GATA4: variants seen among roughly 807,000 people sequenced by gnomAD.
GATA4 encodes GATA binding protein 4.
Under a neutral mutation model 37.9 loss-of-function variants are expected in GATA4, and 7 were observed. The ratio of observed to expected loss-of-function variants is 0.18; its 90% CI spans 0.11 to 0.35. The LOEUF (loss-of-function observed/expected upper bound fraction) is 0.35. Among genes scored for constraint, GATA4 ranks in the 10% least tolerant of loss-of-function variants. The pLI is 1.00. For missense variants in GATA4, 647 were observed against 653.0 expected (o/e 0.99, Z 0.10); for synonymous variants, 372 against 292.6 (o/e 1.27, Z -2.77).
intron 2 of GATA4, among the ~76,000 whole-genome samples, chr8:11,739,753 C>CTGTCGTGTGCGGAGCTGT (rs1801636041): frequency 1.3e-5 from 1 of 78,150 alleles, no homozygotes; most frequent in African/African-American, 5.7e-5. Flanking sequence ...GTGTGCGGAG[C>CTGTCGTGTGCGGAGCTGT]TTCTGTCGTG....
chr8:11,740,172 C>G (rs114949387), intron 2 of GATA4, among the ~76,000 whole-genome samples: 113 of 152,300 alleles, frequency 7.4e-4, no homozygotes, highest in African/African-American at 2.6e-3. Flanking sequence ...GTCCTGGCCT[C>G]TTTCCTGGCA....
At chr8:11,680,525 C>T (rs897765960) in intron 1 of GATA4, 2 of 985,352 alleles carry the variant, frequency 2.0e-6, no homozygotes, top group South Asian at 4.7e-5. Flanking sequence ...TCACCTCGGA[C>T]GGGTGTCGCG....
In GATA4 at chr8:11,709,714, T is replaced by C. The variant is rs1218537472; in HGVS notation, c.616+786T>C. ...CCTCCTCTTCTCGCGTGGGCCAGGG[T>C]TGGAAATAACCGTTGTGGTAGGTTC... On this transcript the variant is annotated intron_variant, in intron 2 of 6. Coordinates refer to ENST00000532059, the MANE Select transcript of GATA4 (RefSeq NM_001308093.3). The surrounding 1 kb of genome is among the most constrained non-coding windows in gnomAD (Gnocchi z 4.3). Among the ~76,000 whole-genome samples, 1 of 152,070 alleles carries C rather than the reference T, an allele frequency of 6.6e-6. No homozygotes were observed. The highest frequency in any genetic ancestry group is 1.5e-5 in the Non-Finnish European group (1 of 67,990).
intron 2 of GATA4, among the ~76,000 whole-genome samples, chr8:11,746,239 G>GA (rs549884230): frequency 6.0e-5 from 9 of 150,814 alleles, no homozygotes; most frequent in South Asian, 2.1e-4. Context: ...AAAAAAAAAG[G>GA]AAAAAAAAAG....
intron 4 of GATA4, among the ~76,000 whole-genome samples, chr8:11,750,965 A>C (rs998504875): frequency 6.6e-6 from 1 of 151,924 alleles, no homozygotes; most frequent in African/African-American, 2.4e-5. Flanking sequence ...TAAAAATATT[A>C]GATAATAAAA....
intron 1 of GATA4, among the ~76,000 whole-genome samples, chr8:11,686,979 C>A (rs1241778424): frequency 6.7e-6 from 1 of 149,700 alleles, no homozygotes; most frequent in Non-Finnish European, 1.5e-5. Context: ...GCCTGGGTGA[C>A]AGAGTGAGAA....
intron 4 of GATA4, among the ~76,000 whole-genome samples, 186 bp from the exon 5 acceptor site, chr8:11,754,860 G>GT (rs1410173271): frequency 6.6e-6 from 1 of 152,206 alleles, no homozygotes; most frequent in Non-Finnish European, 1.5e-5. Flanking sequence ...TGCTCGATAA[G>GT]TTTTTTAAAA....
At position 11,717,789 on chromosome 8, in the gene GATA4, G is replaced by A. The variant is rs141403465; in HGVS notation, c.616+8861G>A. On this transcript the variant is annotated intron_variant, in intron 2 of 6. Transcript: ENST00000532059. ...GCAATGTCGTCCTACGGAATCTTCC[G>A]TATCATTCCTCAACTGTAAGCTCTG... is the stretch of plus-strand genomic sequence containing the variant. Among the ~76,000 whole-genome samples, 10 of 152,216 alleles carry A rather than the reference G, an allele frequency of 6.6e-5. No homozygotes were observed. In the South Asian group the frequency reaches 1.5e-3, roughly 22 times the overall value.
chr8:11,750,474 A>C (rs1802248100), intron 4 of GATA4, among the ~76,000 whole-genome samples: 1 of 152,234 alleles, frequency 6.6e-6, no homozygotes, highest in African/African-American at 2.4e-5. Context: ...TGTGTAACAA[A>C]GGTGACGTTT....
chr8:11,732,049 T>C (rs1203935571), intron 2 of GATA4, among the ~76,000 whole-genome samples: 1 of 152,216 alleles, frequency 6.6e-6, no homozygotes, highest in African/African-American at 2.4e-5. Flanking sequence ...TTTTTAAATG[T>C]TGTACTACAA....
Position 11,708,113 on chromosome 8 carries a change from G to C in GATA4, c.-200G>C, listed in dbSNP as rs939678955. 1 of 682,480 alleles carries C rather than the reference G, an allele frequency of 1.5e-6. No individual in the cohort carries two copies. The highest frequency in any genetic ancestry group is 1.8e-5 in the African/African-American group (1 of 55,330). 42.3% of individuals were successfully genotyped at this position (682,480 alleles called of 1,614,324 possible). On this transcript the variant is annotated 5_prime_UTR_variant, in exon 2 of 7. Coordinates refer to ENST00000532059, the MANE Select transcript of GATA4 (RefSeq NM_001308093.3). This position sits in a 1 kb window ranked among gnomAD's most constrained non-coding sequence, Gnocchi z 6.7. ...AATTGGGATTTTCCGGAGTAAACAA[G>C]AGCCTAGAGCCCTTTGCTCAATGCT...
intron 2 of GATA4, among the ~76,000 whole-genome samples, chr8:11,722,874 C>G (rs1335970755): frequency 6.6e-6 from 1 of 152,202 alleles, no homozygotes; most frequent in African/African-American, 2.4e-5. Context: ...TCTATAGCAA[C>G]AAGCACATTT....
chr8:11,714,106 TGGTGGTA>T (rs1247246058), intron 2 of GATA4, among the ~76,000 whole-genome samples: 1 of 152,188 alleles, frequency 6.6e-6, no homozygotes, highest in African/African-American at 2.4e-5. Flanking sequence ...GACGGATATA[TGGTGGTA>T]GGTGTTACTG....
intron 2 of GATA4, among the ~76,000 whole-genome samples, chr8:11,741,274 T>C (rs1314313521): frequency 6.6e-6 from 1 of 151,940 alleles, no homozygotes; most frequent in East Asian, 1.9e-4. Flanking sequence ...ACTCAGGAGT[T>C]CAAGATCAGC....
intron 2 of GATA4, among the ~76,000 whole-genome samples, chr8:11,713,267 C>A (rs1800280911): frequency 6.6e-6 from 1 of 152,176 alleles, no homozygotes; most frequent in South Asian, 2.1e-4. Flanking sequence ...TGAGCTACGA[C>A]CCTAAGACAA....
At chr8:11,685,997 G>A (rs1052325945) in intron 1 of GATA4, among the ~76,000 whole-genome samples, 1 of 152,216 alleles carries the variant, frequency 6.6e-6, no homozygotes, top group African/African-American at 2.4e-5. Flanking sequence ...GGACAGGACT[G>A]CAGACTGAAT....
At chr8:11,710,201 C>A (rs952327843) in intron 2 of GATA4, among the ~76,000 whole-genome samples, 1 of 152,128 alleles carries the variant, frequency 6.6e-6, no homozygotes, top group African/African-American at 2.4e-5. Context: ...ACTGATTAAC[C>A]CTGAAAGTGG....
intron 2 of GATA4, among the ~76,000 whole-genome samples, chr8:11,739,482 A>T (rs1214990390): frequency 2.0e-5 from 3 of 151,892 alleles, no homozygotes; most frequent in Non-Finnish European, 4.4e-5. Context: ...TTCCATATAC[A>T]TCCATCATAT....
chr8:11,726,545 G>A lies in GATA4; in HGVS notation c.616+17617G>A, dbSNP rs139534736. Reference sequence around the variant, plus strand: ...CAGGTGGCAGTGGCTGGACTCTGAGGGCTAAGGGCTGGTGCACATGTGGGA... The same window carrying A: ...CAGGTGGCAGTGGCTGGACTCTGAGAGCTAAGGGCTGGTGCACATGTGGGA... On this transcript the variant is annotated intron_variant, in intron 2 of 6. Coordinates refer to ENST00000532059, the MANE Select transcript of GATA4 (RefSeq NM_001308093.3). Among the ~76,000 whole-genome samples, 189 of 152,242 alleles carry A rather than the reference G, an allele frequency of 1.2e-3. 1 individual carries two copies. Among genetic ancestry groups the A allele is most frequent in the African/African-American group, 4.4e-3 (184 of 41,546 alleles).
Sources: allele counts gnomAD v4.1 joint callset (sites outside exome capture counted in the v4.1 genomes callset), GRCh38; gene constraint gnomAD v4.1.1; non-coding constraint Gnocchi (gnomAD v3.1); transcripts MANE v1.5; gene names NCBI Gene and HGNC (gene_info 2026-07-23, HGNC 2026-07-21).